LRRIQ1: variants seen among roughly 807,000 people sequenced by gnomAD.
LRRIQ1 encodes leucine rich repeats and IQ motif containing 1.
Under a neutral mutation model 211.9 loss-of-function variants are expected in LRRIQ1, and 210 were observed. The ratio of observed to expected loss-of-function variants is 0.99; its 90% CI spans 0.89 to 1.11. The LOEUF (loss-of-function observed/expected upper bound fraction) is 1.11. LRRIQ1 is among the 50% of genes most tolerant of loss of function. LRRIQ1 has a pLI of 0.00. For synonymous variants in LRRIQ1, 699 were observed against 650.1 expected (o/e 1.08, Z -1.14); for missense variants, 2,136 against 1,939.5 (o/e 1.10, Z -1.90).
chr12:85,066,745 C>T lies in LRRIQ1; in HGVS notation c.2545-3C>T, dbSNP rs369051601. ...AACTAATTACATTTGTTCTTTGCTT[C>T]AGGAAAACCATATTGAGGCTATTGA... On this transcript the variant is annotated splice_region_variant and splice_polypyrimidine_tract_variant and intron_variant, in intron 9 of 26. Coordinates refer to ENST00000393217, the MANE Select transcript of LRRIQ1 (RefSeq NM_001079910.2). The T allele has an allele frequency of 1.3e-6, 2 of 1,579,372 alleles. No individual in the cohort carries two copies. Among genetic ancestry groups the T allele is most frequent in the African/African-American group, 2.7e-5 (2 of 72,998 alleles).
chr12:85,049,737 G>C (rs184824474), intron 6 of LRRIQ1, among the ~76,000 whole-genome samples: 1 of 152,032 alleles, frequency 6.6e-6, no homozygotes, highest in East Asian at 1.9e-4. Context: ...ATCCTGCTAG[G>C]TTTTTTGCAG....
At chr12:85,087,631 C>T (rs1261278779) in intron 11 of LRRIQ1, among the ~76,000 whole-genome samples, 2 of 152,122 alleles carry the variant, frequency 1.3e-5, no homozygotes, top group Non-Finnish European at 2.9e-5. Flanking sequence ...TTAATGATTG[C>T]CATTCTAACT....
chr12:85,220,173 A>G (rs1366029170), intron 24 of LRRIQ1, among the ~76,000 whole-genome samples: 1 of 152,160 alleles, frequency 6.6e-6, no homozygotes. Context: ...AGCCACAACT[A>G]TGTCCTCCAA....
intron 24 of LRRIQ1, among the ~76,000 whole-genome samples, chr12:85,205,882 G>A (rs982185290): frequency 1.3e-5 from 2 of 152,098 alleles, no homozygotes; most frequent in Non-Finnish European, 2.9e-5. Context: ...CCTCAGCTCC[G>A]TTGATCCTGC....
intron 11 of LRRIQ1, among the ~76,000 whole-genome samples, chr12:85,085,460 CA>C (rs1294715616): frequency 2.0e-5 from 3 of 152,176 alleles, no homozygotes; most frequent in African/African-American, 7.2e-5. Flanking sequence ...CTAACCATAT[CA>C]GGGGGAATAT....
chr12:85,272,072 C>T, the LRRIQ1 span, among the ~76,000 whole-genome samples: 1 of 152,098 alleles, frequency 6.6e-6, no homozygotes, highest in African/African-American at 2.4e-5. Flanking sequence ...ACCATAGAGA[C>T]ACTTTTATAT....
intron 11 of LRRIQ1, among the ~76,000 whole-genome samples, chr12:85,086,413 AC>A (rs1228983733): frequency 2.6e-5 from 4 of 151,550 alleles, no homozygotes; most frequent in Non-Finnish European, 5.9e-5. Flanking sequence ...GTAGCACCTC[AC>A]CCCCACTCTT....
chr12:85,200,195 C>A (rs940809584), intron 24 of LRRIQ1, among the ~76,000 whole-genome samples: 2 of 152,044 alleles, frequency 1.3e-5, no homozygotes, highest in Non-Finnish European at 2.9e-5. Flanking sequence ...CCCTGTTTAG[C>A]TGTATCTCTA....
At chr12:85,269,299 G>A (rs1048890908), downstream of LRRIQ1, among the ~76,000 whole-genome samples, 1 of 151,886 alleles carries the variant, frequency 6.6e-6, no homozygotes, top group Non-Finnish European at 1.5e-5. Flanking sequence ...AAAATAGGAA[G>A]GCAATAGTAT....
chr12:85,134,565 G>T (rs938024597), intron 18 of LRRIQ1, among the ~76,000 whole-genome samples: 1 of 151,822 alleles, frequency 6.6e-6, no homozygotes, highest in African/African-American at 2.4e-5. Context: ...ATTTGTATGG[G>T]GTGGGCTCCA....
chr12:85,149,565 A>G (rs1827786236), intron 19 of LRRIQ1, among the ~76,000 whole-genome samples: 1 of 151,844 alleles, frequency 6.6e-6, no homozygotes, highest in African/African-American at 2.4e-5. Context: ...TTGCAGTGGT[A>G]AGCATGATAT....
At chr12:85,232,845 A>G (rs987512610) in intron 26 of LRRIQ1, 89 bp downstream of exon 26, 1 of 866,306 alleles carries the variant, frequency 1.2e-6, no homozygotes, top group African/African-American at 1.7e-5. Flanking sequence ...TAATTAAACT[A>G]TGAAAATATC....
chr12:85,125,546 A>G (rs947553568), intron 17 of LRRIQ1, among the ~76,000 whole-genome samples: 1 of 152,144 alleles, frequency 6.6e-6, no homozygotes, highest in East Asian at 1.9e-4. Context: ...AGCAGTGCAA[A>G]TATCAGAATA....
intron 24 of LRRIQ1, among the ~76,000 whole-genome samples, chr12:85,192,552 TATATA>T (rs1350034364): frequency 8.3e-6 from 1 of 120,168 alleles, no homozygotes; most frequent in South Asian, 2.4e-4. Context: ...TATATATAGT[TATATA>T]ATATAATTAT....
chr12:85,161,789 C>T (rs2136737073), intron 24 of LRRIQ1, among the ~76,000 whole-genome samples: 1 of 152,202 alleles, frequency 6.6e-6, no homozygotes, highest in African/African-American at 2.4e-5. Context: ...GCCTGTAATC[C>T]CAGCACTTTG....
chr12:85,215,887 C>G (rs1490049604), intron 24 of LRRIQ1, among the ~76,000 whole-genome samples: 2 of 152,094 alleles, frequency 1.3e-5, no homozygotes, highest in African/African-American at 4.8e-5. Flanking sequence ...CAGAATTGTT[C>G]TATGTATAGT....
At chr12:85,242,627 T>A (rs1895516118) in intron 26 of LRRIQ1, among the ~76,000 whole-genome samples, 1 of 151,914 alleles carries the variant, frequency 6.6e-6, no homozygotes, top group Admixed American at 6.6e-5. Context: ...CTCTATTTTT[T>A]AACACTAAGC....
intron 11 of LRRIQ1, among the ~76,000 whole-genome samples, chr12:85,085,354 A>G (rs992328708): frequency 6.6e-6 from 1 of 152,196 alleles, no homozygotes; most frequent in African/African-American, 2.4e-5. Context: ...CTCACTCACT[A>G]TCACAAGAAC....
intron 26 of LRRIQ1, among the ~76,000 whole-genome samples, chr12:85,239,353 TTA>T (rs1044411929): frequency 1.2e-4 from 10 of 83,906 alleles, no homozygotes; most frequent in African/African-American, 7.1e-4. Context: ...TGAAACTGTT[TTA>T]TACACACACA....
Sources: gnomAD v4.1 joint callset for allele counts (sites outside exome capture counted in the v4.1 genomes callset) on GRCh38, gnomAD v4.1.1 for gene constraint, MANE v1.5 for transcripts, NCBI Gene and HGNC (gene_info 2026-07-23, HGNC 2026-07-21) for gene names.